PTPRO: variants seen among roughly 807,000 people sequenced by gnomAD.
PTPRO encodes protein tyrosine phosphatase receptor type O.
Under a neutral mutation model 145.2 loss-of-function variants are expected in PTPRO, and 62 were observed. The ratio of observed to expected loss-of-function variants is 0.43; its 90% CI spans 0.35 to 0.53. The LOEUF is 0.53. Ranked by LOEUF, PTPRO falls within the 20% of genes least tolerant of loss-of-function variation. PTPRO has a pLI of 0.01. For missense variants in PTPRO, 1,345 were observed against 1,482.7 expected (o/e 0.91, Z 1.53); for synonymous variants, 565 against 514.7 (o/e 1.10, Z -1.32).
At chr12:15,387,286 G>T (rs1939055251) in intron 1 of PTPRO, among the ~76,000 whole-genome samples, 1 of 150,022 alleles carries the variant, frequency 6.7e-6, no homozygotes, top group African/African-American at 2.5e-5. Flanking sequence ...AAACAAATTT[G>T]GTCTTTAGCC....
intron 1 of PTPRO, among the ~76,000 whole-genome samples, chr12:15,459,376 C>A (rs1941251748): frequency 1.3e-5 from 2 of 152,128 alleles, no homozygotes; most frequent in Non-Finnish European, 1.5e-5. Context: ...GAAGTCAGAT[C>A]CTTGGGCAAC....
chr12:15,406,787 A>G (rs1029584959), intron 1 of PTPRO, among the ~76,000 whole-genome samples: 2 of 152,210 alleles, frequency 1.3e-5, no homozygotes, highest in African/African-American at 2.4e-5. Flanking sequence ...GATCCTTATA[A>G]CATTTTGTTA....
At chr12:15,353,061 T>C (rs1443544544) in intron 1 of PTPRO, among the ~76,000 whole-genome samples, 2 of 152,238 alleles carry the variant, frequency 1.3e-5, no homozygotes, top group Non-Finnish European at 2.9e-5. Flanking sequence ...ATTTCTTGCA[T>C]CATTACCAGT....
chr12:15,411,271 T>C (rs1278311963), intron 1 of PTPRO, among the ~76,000 whole-genome samples: 1 of 152,266 alleles, frequency 6.6e-6, no homozygotes, highest in Non-Finnish European at 1.5e-5. Flanking sequence ...TGTATTTGCC[T>C]GTTTTTCTCC....
At chr12:15,422,320 G>A (rs1193656354) in intron 1 of PTPRO, among the ~76,000 whole-genome samples, 1 of 152,086 alleles carries the variant, frequency 6.6e-6, no homozygotes, top group East Asian at 1.9e-4. Context: ...TGAGGCAATT[G>A]TAAGAGCTTA....
At chr12:15,472,727 A>C (rs948214180) in intron 1 of PTPRO, among the ~76,000 whole-genome samples, 17 of 152,212 alleles carry the variant, frequency 1.1e-4, no homozygotes, top group African/African-American at 3.9e-4. Flanking sequence ...CAAACAAATT[A>C]AAGAATATGT....
In PTPRO at chr12:15,513,108, A is replaced by G. The variant is rs7487134; in HGVS notation, c.1465-2390A>G. Among the ~76,000 whole-genome samples the G allele has an allele frequency of 2.4e-3, 122 of 50,916 alleles. 10 individuals carry two copies. Among genetic ancestry groups the G allele is most frequent in the African/African-American group, 6.6e-3 (80 of 12,122 alleles). The allele number at this position is 50,916 out of a possible 152,430, so 33.4% of individuals were successfully genotyped here. A position where few individuals can be genotyped will look rare whatever the true frequency, so the allele number is the denominator to read the frequency against. On this transcript the variant is annotated intron_variant, in intron 7 of 26. Transcript: ENST00000281171. ...AGAAAGAAAGAAGAAAGAAAGAAAG[A>G]AAGGAAGGAAGGAAGGAAGGAAGGA...
At chr12:15,583,369 C>T (rs1944361510) in intron 23 of PTPRO, among the ~76,000 whole-genome samples, 1 of 151,832 alleles carries the variant, frequency 6.6e-6, no homozygotes, top group African/African-American at 2.4e-5. Flanking sequence ...GTCCCAGCTA[C>T]TCAAGAGGCT....
At chr12:15,560,097 T>C (rs1943732334) in intron 16 of PTPRO, 96 bp from the exon 17 acceptor site, 3 of 867,162 alleles carry the variant, frequency 3.5e-6, no homozygotes, top group Non-Finnish European at 5.9e-6. Context: ...TATTAATTAA[T>C]CCCAATAGGT....
At chr12:15,413,587 G>A (rs1350686833) in intron 1 of PTPRO, among the ~76,000 whole-genome samples, 2 of 152,168 alleles carry the variant, frequency 1.3e-5, no homozygotes, top group East Asian at 1.9e-4. Context: ...GGCCAAGGTA[G>A]GTGGACCATT....
intron 1 of PTPRO, among the ~76,000 whole-genome samples, chr12:15,339,342 AAAT>A (rs1169179843): frequency 6.6e-6 from 1 of 152,190 alleles, no homozygotes; most frequent in Non-Finnish European, 1.5e-5. Context: ...GAGTAGTTGG[AAAT>A]GAGGTTGAAA....
chr12:15,392,180 G>C (rs1939206268), intron 1 of PTPRO, among the ~76,000 whole-genome samples: 1 of 152,154 alleles, frequency 6.6e-6, no homozygotes. Flanking sequence ...ATATGTATCA[G>C]ATGTCTTATA....
intron 1 of PTPRO, among the ~76,000 whole-genome samples, chr12:15,429,463 G>T (rs886232561): frequency 2.6e-5 from 4 of 152,134 alleles, no homozygotes; most frequent in African/African-American, 4.8e-5. Context: ...TCCACAGGAT[G>T]AATGGGAATA....
At chr12:15,555,912 T>C (rs1478107355) in intron 15 of PTPRO, among the ~76,000 whole-genome samples, 1 of 152,218 alleles carries the variant, frequency 6.6e-6, no homozygotes, top group Non-Finnish European at 1.5e-5. Context: ...CAATATGTAA[T>C]AGTCTAACAA....
At chr12:15,413,776 C>T (rs1017754094) in intron 1 of PTPRO, among the ~76,000 whole-genome samples, 1 of 152,066 alleles carries the variant, frequency 6.6e-6, no homozygotes. Flanking sequence ...GATCGTGCTA[C>T]GGCGCTCCAG....
intron 1 of PTPRO, among the ~76,000 whole-genome samples, chr12:15,355,515 A>G (rs1387437571): frequency 7.0e-6 from 1 of 142,568 alleles, no homozygotes; most frequent in South Asian, 2.2e-4. Flanking sequence ...GCCTTTCCTG[A>G]AAAGCAGTGT....
chr12:15,549,538 G>T (rs1418597057), intron 14 of PTPRO, among the ~76,000 whole-genome samples: 5 of 152,092 alleles, frequency 3.3e-5, no homozygotes, highest in African/African-American at 9.7e-5. Context: ...ATCTTCTTCA[G>T]TAATAGGCAC....
chr12:15,428,766 T>C (rs1940352479), intron 1 of PTPRO, among the ~76,000 whole-genome samples: 1 of 152,132 alleles, frequency 6.6e-6, no homozygotes, highest in Non-Finnish European at 1.5e-5. Flanking sequence ...TCATTCTGTC[T>C]TGCAGCCTCT....
At chr12:15,563,402 C>T (rs959145537) in intron 17 of PTPRO, among the ~76,000 whole-genome samples, 1 of 151,976 alleles carries the variant, frequency 6.6e-6, no homozygotes, top group Non-Finnish European at 1.5e-5. Flanking sequence ...GTTTTAGTCT[C>T]GGAATTAGCA....
Sources: allele counts gnomAD v4.1 joint callset (sites outside exome capture counted in the v4.1 genomes callset), GRCh38; gene constraint gnomAD v4.1.1; transcripts MANE v1.5; gene names NCBI Gene and HGNC (gene_info 2026-07-23, HGNC 2026-07-21).